ROR1: variants seen among roughly 807,000 people sequenced by gnomAD.
The protein encoded by ROR1 is ROR family WNT receptor 1.
A neutral mutation model predicts 78.8 loss-of-function variants in ROR1; 19 were observed. The ratio of observed to expected loss-of-function variants is 0.24; its 90% CI spans 0.17 to 0.35. ROR1 has a LOEUF of 0.35. Among genes scored for constraint, ROR1 ranks in the 10% least tolerant of loss-of-function variants. The pLI is 1.00. For synonymous variants in ROR1, 386 were observed against 433.6 expected (o/e 0.89, Z 1.36); for missense variants, 917 against 1,177.8 (o/e 0.78, Z 3.24).
chr1:63,774,376 G>A lies in ROR1; in HGVS notation c.-42G>A, dbSNP rs1414491034. On this transcript the variant is annotated 5_prime_UTR_variant, in exon 1 of 9. Transcript: ENST00000371079. This position sits in a 1 kb window ranked among gnomAD's most constrained non-coding sequence, Gnocchi z 5.7. Reference sequence around the variant, plus strand: ...AAGAGCCCGTGGATGTTCTGCGCGCGGCCTGGGAGCCGCCGCCGCCGCCGC... The same window carrying A: ...AAGAGCCCGTGGATGTTCTGCGCGCAGCCTGGGAGCCGCCGCCGCCGCCGC... The A allele has an allele frequency of 2.4e-6, 3 of 1,233,410 alleles. No homozygotes were observed. The highest frequency in any genetic ancestry group is 3.1e-6 in the Non-Finnish European group (3 of 961,412). The allele number at this position is 1,233,410 out of a possible 1,614,324, so 76.4% of individuals were successfully genotyped here.
intron 1 of ROR1, among the ~76,000 whole-genome samples, chr1:63,849,261 T>TTA (rs1213851262): frequency 1.3e-5 from 2 of 152,246 alleles, no homozygotes; most frequent in African/African-American, 4.8e-5. Flanking sequence ...ACCAAAGGCA[T>TTA]GTATAACAAC....
chr1:64,096,816 C>T (rs543550708), intron 4 of ROR1, among the ~76,000 whole-genome samples: 1 of 151,334 alleles, frequency 6.6e-6, no homozygotes, highest in African/African-American at 2.5e-5. Context: ...TGAGGAATCA[C>T]CATACTGTCT....
At chr1:63,984,765 C>G (rs1323851) in intron 1 of ROR1, among the ~76,000 whole-genome samples, 1 of 152,104 alleles carries the variant, frequency 6.6e-6, no homozygotes, top group African/African-American at 2.4e-5. Flanking sequence ...CTATTCCATG[C>G]GTTGGATAGC....
intron 4 of ROR1, among the ~76,000 whole-genome samples, chr1:64,061,914 T>C (rs1646919645): frequency 1.3e-5 from 2 of 152,244 alleles, no homozygotes; most frequent in South Asian, 2.1e-4. Context: ...TCTCTTTCTG[T>C]ACCCTGAGGT....
At chr1:63,892,870 G>C (rs1645409072) in intron 1 of ROR1, among the ~76,000 whole-genome samples, 2 of 152,178 alleles carry the variant, frequency 1.3e-5, no homozygotes, top group Admixed American at 6.5e-5. Context: ...GGAGAGACCA[G>C]AAGCTGCCGT....
At chr1:63,819,875 C>T (rs539514844) in intron 1 of ROR1, among the ~76,000 whole-genome samples, 6 of 152,024 alleles carry the variant, frequency 3.9e-5, no homozygotes, top group African/African-American at 9.6e-5. Context: ...TAGTACTTGG[C>T]GATAAAAGAT....
intron 4 of ROR1, among the ~76,000 whole-genome samples, chr1:64,109,397 G>T (rs148997624): frequency 2.6e-5 from 4 of 152,138 alleles, no homozygotes; most frequent in African/African-American, 9.6e-5. Context: ...ACTTCTCCAG[G>T]GTATTTTCTG....
At chr1:63,986,575 G>A (rs576625029) in intron 1 of ROR1, among the ~76,000 whole-genome samples, 1 of 152,304 alleles carries the variant, frequency 6.6e-6, no homozygotes, top group East Asian at 1.9e-4. Flanking sequence ...GCCCAGCAAA[G>A]GTTCTAACCC....
chr1:64,088,315 G>C (rs570132815), intron 4 of ROR1, among the ~76,000 whole-genome samples: 1 of 152,092 alleles, frequency 6.6e-6, no homozygotes, highest in Non-Finnish European at 1.5e-5. Context: ...GTAACTATTA[G>C]AGTCTTACCA....
chr1:63,859,348 C>A (rs1308368823), intron 1 of ROR1, among the ~76,000 whole-genome samples: 1 of 152,124 alleles, frequency 6.6e-6, no homozygotes, highest in East Asian at 1.9e-4. Flanking sequence ...ATCTGTCTCT[C>A]CAGAGTCTGA....
chr1:64,062,916 C>T (rs1265970558), intron 4 of ROR1, among the ~76,000 whole-genome samples: 1 of 152,068 alleles, frequency 6.6e-6, no homozygotes, highest in Non-Finnish European at 1.5e-5. Flanking sequence ...AAAGACACTC[C>T]CCTACCCTCT....
At chr1:64,081,630 G>A (rs1362209784) in intron 4 of ROR1, among the ~76,000 whole-genome samples, 1 of 151,910 alleles carries the variant, frequency 6.6e-6, no homozygotes. Context: ...AATTAGCCAG[G>A]TTTGGTGGCC....
intron 1 of ROR1, among the ~76,000 whole-genome samples, chr1:63,787,682 A>T (rs1228363570): frequency 6.6e-6 from 1 of 151,880 alleles, no homozygotes; most frequent in Non-Finnish European, 1.5e-5. Flanking sequence ...ACCTGCCACC[A>T]TGCTTGCCTA....
rs1009571953 is a variant in ROR1, at chr1:63,971,175, A to G, written c.92-38130A>G. ...ACAGTGGCTAAAAAGTGGACTCTGA[A>G]TTCTGACTACCTGAGAGCAAACCAC... On this transcript the variant is annotated intron_variant, in intron 1 of 8. Coordinates refer to ENST00000371079, the MANE Select transcript of ROR1 (RefSeq NM_005012.4). Among the ~76,000 whole-genome samples the G allele has an allele frequency of 2.0e-5, 3 of 152,276 alleles. No individual in the cohort carries two copies. In the East Asian group the frequency reaches 5.8e-4, roughly 29 times the overall value.
chr1:63,910,688 G>A (rs755961746), intron 1 of ROR1, among the ~76,000 whole-genome samples: 5 of 152,058 alleles, frequency 3.3e-5, no homozygotes, highest in African/African-American at 7.2e-5. Flanking sequence ...TCCTGATACC[G>A]TCCTCTAGAT....
In ROR1 at chr1:64,137,446, T is replaced by C; in HGVS notation, c.560T>C (p.Val187Ala). The change falls in exon 5 of 9, where the codon GTC (valine) becomes GCC (alanine). Residue 187 changes from valine (V) to alanine (A), a missense_variant. Physicochemically the swap from Val to Ala is moderately conservative, Grantham distance 64. Transcript: ENST00000371079. ...GCAAGATTTATTGGCAACCGCACCG[T>C]CTATATGGAGTCTTTGCACATGCAA... ...ACARFIGNRTVYMESLHMQGE... is the reference protein window; with the variant it reads ...ACARFIGNRTAYMESLHMQGE... 1 of 1,613,990 alleles carries C rather than the reference T, an allele frequency of 6.2e-7. No individual in the cohort carries two copies. The highest frequency in any genetic ancestry group is 1.1e-5 in the South Asian group (1 of 91,076).
intron 1 of ROR1, among the ~76,000 whole-genome samples, chr1:63,807,084 T>C (rs1014189925): frequency 6.6e-6 from 1 of 152,142 alleles, no homozygotes; most frequent in Admixed American, 6.5e-5. Flanking sequence ...GGGAGGGACT[T>C]TTGAGAGCAT....
intron 8 of ROR1, among the ~76,000 whole-genome samples, chr1:64,161,141 C>T (rs1463104246): frequency 6.6e-6 from 1 of 152,170 alleles, no homozygotes; most frequent in Non-Finnish European, 1.5e-5. Context: ...GGAGCTTTTA[C>T]ATCCATTATC....
intron 1 of ROR1, among the ~76,000 whole-genome samples, chr1:63,898,812 G>C (rs1239943945): frequency 2.6e-5 from 4 of 151,980 alleles, no homozygotes; most frequent in Non-Finnish European, 5.9e-5. Context: ...AGGAGGTCAG[G>C]GAAGGCTTCC....
Sources: gnomAD v4.1 joint callset for allele counts (sites outside exome capture counted in the v4.1 genomes callset) on GRCh38, gnomAD v4.1.1 for gene constraint, Gnocchi (gnomAD v3.1) non-coding constraint, MANE v1.5 for transcripts, NCBI Gene and HGNC (gene_info 2026-07-23, HGNC 2026-07-21) for gene names.